Variants in EPO observed in about 807,000 individuals in gnomAD.
The protein encoded by EPO is epoetin.
Under a neutral mutation model 24.4 loss-of-function variants are expected in EPO, and 12 were observed. That is an observed-to-expected ratio of 0.49 (90% CI 0.32 to 0.80). The LOEUF is 0.80. Among genes scored for constraint, EPO ranks in the 30% least tolerant of loss-of-function variants. The pLI is 0.04. For synonymous variants in EPO, 107 were observed against 104.0 expected (o/e 1.03, Z -0.18); for missense variants, 210 against 238.0 (o/e 0.88, Z 0.77).
chr7:100,722,902 C>T (rs1208475644), intron 4 of EPO, 59 bp downstream of exon 4: 5 of 1,606,292 alleles, frequency 3.1e-6, no homozygotes, highest in Admixed American at 1.7e-5. Flanking sequence ...AAGGGTCTTG[C>T]TAAGGAGTAC....
chr7:100,721,080 G>T lies in EPO; in HGVS notation c.13+87G>T. 7.2e-7 allele frequency: 1 copy of T among 1,383,484 alleles called. No homozygotes were observed. The allele number at this position is 1,383,484 out of a possible 1,614,324, so 85.7% of individuals were successfully genotyped here. On this transcript the variant is annotated intron_variant, in intron 1 of 4. Transcript: ENST00000252723. The surrounding 1 kb of genome is among the most constrained non-coding windows in gnomAD (Gnocchi z 4.0). ...CGCCCCGGCTATTGGCCAGGAGGTG[G>T]CTGGGTTCAAGGACCGGCGACTTGT...
chr7:100,723,223 G>A lies in EPO; in HGVS notation c.*90G>A. Reference sequence around the variant, plus strand: ...CCCCGCCACTCCTGAACCCCGTCGAGGGGCTCTCAGCTCAGCGCCAGCCTG... The same window carrying A: ...CCCCGCCACTCCTGAACCCCGTCGAAGGGCTCTCAGCTCAGCGCCAGCCTG... On this transcript the variant is annotated 3_prime_UTR_variant, in exon 5 of 5. Coordinates refer to ENST00000252723, the MANE Select transcript of EPO (RefSeq NM_000799.4). 17 of 1,495,642 alleles carry A rather than the reference G, an allele frequency of 1.1e-5. No individual in the cohort carries two copies. The highest frequency in any genetic ancestry group is 1.5e-5 in the Non-Finnish European group (17 of 1,097,344). The allele number at this position is 1,495,642 out of a possible 1,614,324, so 92.6% of individuals were successfully genotyped here.
rs200436414 is a variant in EPO at position 100,723,179 on chromosome 7, T to C, written c.*46T>C. ...ATATCCACCACCTCCCTCACCAACA[T>C]TGCTTGTGCCACACCCTCCCCCGCC... On this transcript the variant is annotated 3_prime_UTR_variant, in exon 5 of 5. Coordinates refer to ENST00000252723, the MANE Select transcript of EPO (RefSeq NM_000799.4). 2,119 of 1,578,408 alleles carry C rather than the reference T, an allele frequency of 1.3e-3. 3 individuals carry two copies. The highest frequency in any genetic ancestry group is 6.0e-3 in the Middle Eastern group (35 of 5,836).
chr7:100,722,520 C>CAT (rs1806758915), intron 3 of EPO, 144 bp from the exon 4 acceptor site: 4 of 574,846 alleles, frequency 7.0e-6, no homozygotes, highest in South Asian at 2.4e-5. Flanking sequence ...CACTCACTCA[C>CAT]TCACTCACTC....
chr7:100,721,471 G>T lies in EPO; in HGVS notation c.14-87G>T, dbSNP rs1562901316. On this transcript the variant is annotated intron_variant, in intron 1 of 4. Coordinates refer to ENST00000252723, the MANE Select transcript of EPO (RefSeq NM_000799.4). The surrounding 1 kb of genome is among the most constrained non-coding windows in gnomAD (Gnocchi z 4.0). ...TTGGGGACAGGAAGGACGAGCTGGG[G>T]CAGAGACGTGGGGATGAAGGAAGCT... The T allele has an allele frequency of 6.5e-7, 1 of 1,531,198 alleles. No homozygotes were observed. The highest frequency in any genetic ancestry group is 8.8e-7 in the Non-Finnish European group (1 of 1,132,274). The allele number at this position is 1,531,198 out of a possible 1,614,324, so 94.9% of individuals were successfully genotyped here.
intron 3 of EPO, 112 bp from the exon 4 acceptor site, chr7:100,722,552 A>T: frequency 1.3e-6 from 1 of 775,176 alleles, no homozygotes. Flanking sequence ...CATTCATTCA[A>T]CAAGTCTTAT....
At chr7:100,722,626 A>T (rs1806763026) in intron 3 of EPO, 38 bp from the exon 4 acceptor site, 1 of 1,541,014 alleles carries the variant, frequency 6.5e-7, no homozygotes, top group African/African-American at 1.4e-5. Context: ...GGAGAGGGTG[A>T]CATGGGTCAG....
chr7:100,722,313 G>A (rs507392), intron 3 of EPO, among the ~76,000 whole-genome samples: 94,120 of 151,652 alleles, frequency 0.62, 29,406 homozygotes, highest in East Asian at 0.79. Flanking sequence ...AGTCAGGTGA[G>A]GTGGTGCATG....
rs1806726475 is a variant in EPO, at chr7:100,720,739, A to C, written c.-242A>C. On this transcript the variant is annotated 5_prime_UTR_variant, in exon 1 of 5. Coordinates refer to ENST00000252723, the MANE Select transcript of EPO (RefSeq NM_000799.4). Reference sequence around the variant, plus strand: ...GATAACAGCCCCGACCCCCGGCCAGAGCCGCAGAGTCCCTGGGCCACCCCG... The same window carrying C: ...GATAACAGCCCCGACCCCCGGCCAGCGCCGCAGAGTCCCTGGGCCACCCCG... 7 of 389,066 alleles carry C rather than the reference A, an allele frequency of 1.8e-5. No homozygotes were observed. The South Asian group carries it at 7.0e-4, about 39-fold the overall frequency. 24.1% of individuals were successfully genotyped at this position (389,066 alleles called of 1,614,324 possible).
In EPO at chr7:100,721,736, C is replaced by G; in HGVS notation, c.159+33C>G. The stretch of plus-strand genomic sequence containing the variant: ...CCCTTCCCCAGCACATTCCACAGAA[C>G]TCACGCTCAGGGCTTCAGGGAACTC... On this transcript the variant is annotated intron_variant, in intron 2 of 4. Coordinates refer to ENST00000252723, the MANE Select transcript of EPO (RefSeq NM_000799.4). The surrounding 1 kb of genome is among the most constrained non-coding windows in gnomAD (Gnocchi z 4.0). The G allele has an allele frequency of 3.8e-6, 6 of 1,595,130 alleles. No homozygotes were observed. Among genetic ancestry groups the G allele is most frequent in the Non-Finnish European group, 5.1e-6 (6 of 1,174,536 alleles).
At chr7:100,722,078 C>CTTTT in intron 3 of EPO, 30 bp downstream of exon 3, 3 of 1,378,862 alleles carry the variant, frequency 2.2e-6, no homozygotes, top group South Asian at 1.5e-5. Context: ...TTTTTCCTTT[C>CTTTT]TTTTGGAGAA....
intron 3 of EPO, 104 bp from the exon 4 acceptor site, chr7:100,722,558 CTT>C: frequency 2.4e-6 from 2 of 843,914 alleles, no homozygotes; most frequent in Admixed American, 2.6e-5. Flanking sequence ...TTCAACAAGT[CTT>C]ATTGCATACC....
In EPO at chr7:100,723,340, C is replaced by A; in HGVS notation, c.*207C>A. 1.7e-6 allele frequency: 1 copy of A among 572,790 alleles called. No homozygotes were observed. The highest frequency in any genetic ancestry group is 3.0e-6 in the Non-Finnish European group (1 of 332,648). The allele number at this position is 572,790 out of a possible 1,614,324, so 35.5% of individuals were successfully genotyped here. A position where few individuals can be genotyped will look rare whatever the true frequency, so the allele number is the denominator to read the frequency against. On this transcript the variant is annotated 3_prime_UTR_variant, in exon 5 of 5. Coordinates refer to ENST00000252723, the MANE Select transcript of EPO (RefSeq NM_000799.4). ...CTGAGATCTAAGGATGTCACAGGGC[C>A]AACTTGAGGGCCCAGAGCAGGAAGC...
At position 100,723,414 on chromosome 7, in the gene EPO, G is replaced by A. The variant is rs1028967650; in HGVS notation, c.*281G>A. On this transcript the variant is annotated 3_prime_UTR_variant, in exon 5 of 5. Coordinates refer to ENST00000252723, the MANE Select transcript of EPO (RefSeq NM_000799.4). ...AGGGACAGAGCCATGCTGGGAAGAC[G>A]CCTGAGCTCACTCGGCACCCTGCAA... 6.1e-6 allele frequency: 2 copies of A among 326,198 alleles called. No homozygotes were observed. Among genetic ancestry groups the A allele is most frequent in the African/African-American group, 2.1e-5 (1 of 46,814 alleles). The allele number at this position is 326,198 out of a possible 1,614,324, so 20.2% of individuals were successfully genotyped here. A position where few individuals can be genotyped will look rare whatever the true frequency, so the allele number is the denominator to read the frequency against.
rs779493836 is a variant in EPO at position 100,722,734 on chromosome 7, C to A, written c.317C>A (p.Ala106Asp). ...LLSEAVLRGQ[A>D]LLVNSSQPWE... ...TCGGAAGCTGTCCTGCGGGGCCAGG[C>A]CCTGTTGGTCAACTCTTCCCAGCCG... Residue 106 changes from alanine to aspartate, a missense_variant, in exon 4 of 5, where the codon GCC becomes GAC. Physicochemically the swap from Ala to Asp is moderately radical, Grantham distance 126. Coordinates refer to ENST00000252723, the MANE Select transcript of EPO (RefSeq NM_000799.4). 8 of 1,613,724 alleles carry A rather than the reference C, an allele frequency of 5.0e-6. No individual in the cohort carries two copies. Among genetic ancestry groups the A allele is most frequent in the Non-Finnish European group, 6.8e-6 (8 of 1,179,960 alleles).
rs1486598155 is a variant in EPO, at chr7:100,723,249, T to C, written c.*116T>C. On this transcript the variant is annotated 3_prime_UTR_variant, in exon 5 of 5. Coordinates refer to ENST00000252723, the MANE Select transcript of EPO (RefSeq NM_000799.4). Reference sequence around the variant, plus strand: ...GGGCTCTCAGCTCAGCGCCAGCCTGTCCCATGGACACTCCAGTGCCAGCAA... The same window carrying C: ...GGGCTCTCAGCTCAGCGCCAGCCTGCCCCATGGACACTCCAGTGCCAGCAA... The C allele has an allele frequency of 2.4e-6, 3 of 1,227,928 alleles. No homozygotes were observed. The highest frequency in any genetic ancestry group is 4.8e-5 in the East Asian group (2 of 41,740). The allele number at this position is 1,227,928 out of a possible 1,614,324, so 76.1% of individuals were successfully genotyped here.
In EPO at chr7:100,722,962, G is replaced by A. The variant is rs1269175012; in HGVS notation, c.427-16G>A. 6.2e-7 allele frequency: 1 copy of A among 1,613,560 alleles called. No homozygotes were observed. The highest frequency in any genetic ancestry group is 1.7e-5 in the Admixed American group (1 of 59,974). On this transcript the variant is annotated splice_polypyrimidine_tract_variant and intron_variant, in intron 4 of 4. Coordinates refer to ENST00000252723, the MANE Select transcript of EPO (RefSeq NM_000799.4). ...TTCTGTGGCACTGCAGCGACCTCCT[G>A]TTTTCTCCTTGGCAGAAGGAAGCCA...
In EPO at chr7:100,723,547, T is replaced by C. The variant is rs1369258609; in HGVS notation, c.*414T>C. The C allele has an allele frequency of 6.2e-6, 1 of 162,042 alleles. No homozygotes were observed. The highest frequency in any genetic ancestry group is 1.3e-5 in the Non-Finnish European group (1 of 74,776). The allele number at this position is 162,042 out of a possible 1,614,324, so 10.0% of individuals were successfully genotyped here. ...GGTGGCAAGCTGTGACTTCTCCAGG[T>C]CTCACGGGCATGGGCACTCCCTTGG... is the stretch of plus-strand genomic sequence containing the variant. On this transcript the variant is annotated 3_prime_UTR_variant, in exon 5 of 5. Coordinates refer to ENST00000252723, the MANE Select transcript of EPO (RefSeq NM_000799.4).
rs370232752 is a variant in EPO, at chr7:100,723,003, C to A, written c.452C>A (p.Ala151Glu). 1.9e-6 allele frequency: 3 copies of A among 1,614,036 alleles called. No homozygotes were observed. Among genetic ancestry groups the A allele is most frequent in the Non-Finnish European group, 1.7e-6 (2 of 1,179,976 alleles). Reference protein sequence around the residue: ...AQKEAISPPDAASAAPLRTIT... With the variant: ...AQKEAISPPDEASAAPLRTIT... ...AAGGAAGCCATCTCCCCTCCAGATG[C>A]GGCCTCAGCTGCTCCACTCCGAACA... The change falls in exon 5 of 5, where the codon GCG becomes GAG. Residue 151 changes from alanine (A) to glutamate (E), a missense_variant. By Grantham distance (107) the Ala-to-Glu change is moderately radical. Coordinates refer to ENST00000252723, the MANE Select transcript of EPO (RefSeq NM_000799.4).
Sources: gnomAD v4.1 joint callset for allele counts (sites outside exome capture counted in the v4.1 genomes callset) on GRCh38, gnomAD v4.1.1 for gene constraint, Gnocchi (gnomAD v3.1) non-coding constraint, MANE v1.5 for transcripts, NCBI Gene and HGNC (gene_info 2026-07-23, HGNC 2026-07-21) for gene names.